KAZN: variants seen among roughly 807,000 people sequenced by gnomAD.
KAZN encodes kazrin, periplakin interacting protein.
In KAZN, 40 loss-of-function variants were observed where a neutral mutation model predicts 87.4. That is an observed-to-expected ratio of 0.46 (90% CI 0.36 to 0.60). The LOEUF is 0.60. Ranked by LOEUF, KAZN falls within the 20% of genes least tolerant of loss-of-function variation. The probability of loss-of-function intolerance (pLI) is 0.00; values close to 1 mark genes in which losing one functional copy is unlikely to be tolerated. For missense variants in KAZN, 898 were observed against 1,073.9 expected (o/e 0.84, Z 2.29); for synonymous variants, 466 against 458.3 (o/e 1.02, Z -0.22).
chr1:14,495,282 C>A (rs1290255235), intron 2 of KAZN, among the ~76,000 whole-genome samples: 1 of 152,130 alleles, frequency 6.6e-6, no homozygotes, highest in African/African-American at 2.4e-5. Flanking sequence ...TAAAAGAAAA[C>A]CATAAAGAAA....
chr1:14,869,805 C>T (rs945432571), intron 1 of KAZN, among the ~76,000 whole-genome samples: 2 of 152,116 alleles, frequency 1.3e-5, no homozygotes, highest in African/African-American at 2.4e-5. Context: ...GCAGTGGCTG[C>T]GAGGAGCAGG....
intron 2 of KAZN, among the ~76,000 whole-genome samples, chr1:14,357,086 C>T (rs1486765219): frequency 1.3e-5 from 2 of 151,858 alleles, no homozygotes; most frequent in African/African-American, 4.8e-5. Flanking sequence ...TTTGTTTGTG[C>T]CCTCTCATTT....
rs1043461768 is a variant in KAZN at position 14,711,031 on chromosome 1, T to C, written c.226+111808T>C. ...AGATACCACTATCTCCACAAAAAAA[T>C]TAAAAAACAAAAATAGCTGGGCATG... is the stretch of plus-strand genomic sequence containing the variant. On this transcript the variant is annotated intron_variant, in intron 1 of 14. Coordinates refer to ENST00000376030, the MANE Select transcript of KAZN (RefSeq NM_201628.3). Among the ~76,000 whole-genome samples the C allele has an allele frequency of 5.3e-5, 8 of 149,596 alleles. 1 individual carries two copies.
At chr1:14,589,641 C>A (rs1212424696) in intron 2 of KAZN, among the ~76,000 whole-genome samples, 1 of 152,196 alleles carries the variant, frequency 6.6e-6, no homozygotes, top group Non-Finnish European at 1.5e-5. Flanking sequence ...CCTACTACCA[C>A]TGCTTCCAAT....
intron 1 of KAZN, among the ~76,000 whole-genome samples, chr1:14,738,118 C>G (rs577602940): frequency 6.6e-6 from 1 of 152,118 alleles, no homozygotes; most frequent in Non-Finnish European, 1.5e-5. Context: ...AGGGGCTACC[C>G]TTTCTCCCTT....
intron 2 of KAZN, among the ~76,000 whole-genome samples, chr1:14,553,006 C>T (rs1207448230): frequency 6.6e-6 from 1 of 152,112 alleles, no homozygotes; most frequent in East Asian, 1.9e-4. Context: ...TAGCCGTGCC[C>T]ATCAGAACCA....
chr1:14,013,630 A>G (rs556290287), intron 1 of KAZN, among the ~76,000 whole-genome samples: 1 of 152,212 alleles, frequency 6.6e-6, no homozygotes, highest in Admixed American at 6.5e-5. Flanking sequence ...AAAATAACCT[A>G]GGAATATGGG....
chr1:14,702,326 CTGTGTGTGTGTG>C (rs3222186), intron 1 of KAZN, among the ~76,000 whole-genome samples: 219 of 133,368 alleles, frequency 1.6e-3, no homozygotes, highest in African/African-American at 5.6e-3. Context: ...TTTTGCAAAA[CTGTGTGTGTGTG>C]TGTGTGTGTG....
chr1:14,756,629 A>G (rs545897072), intron 1 of KAZN, among the ~76,000 whole-genome samples: 2 of 152,314 alleles, frequency 1.3e-5, no homozygotes, highest in South Asian at 4.1e-4. Flanking sequence ...TGGATGTAGC[A>G]CTGTTTATAA....
chr1:14,646,954 C>T (rs1680853770), intron 1 of KAZN, among the ~76,000 whole-genome samples: 1 of 152,180 alleles, frequency 6.6e-6, no homozygotes, highest in East Asian at 1.9e-4. Flanking sequence ...GCTTCTGCTC[C>T]AGCACGTGGA....
chr1:14,698,544 G>A (rs760784461), intron 1 of KAZN, among the ~76,000 whole-genome samples: 6 of 152,132 alleles, frequency 3.9e-5, no homozygotes, highest in Non-Finnish European at 7.3e-5. Flanking sequence ...CATCTCCCAG[G>A]GCCCAGCTCA....
intron 1 of KAZN, among the ~76,000 whole-genome samples, chr1:14,016,166 C>T (rs1640561366): frequency 1.3e-5 from 2 of 152,072 alleles, no homozygotes; most frequent in Admixed American, 6.5e-5. Context: ...TTTTCTCTCC[C>T]AATGCACGAA....
intron 1 of KAZN, among the ~76,000 whole-genome samples, chr1:14,728,219 G>T (rs1370984573): frequency 6.7e-6 from 1 of 150,230 alleles, no homozygotes; most frequent in Non-Finnish European, 1.5e-5. Context: ...TTGGGAGGCG[G>T]AGGTTGCAGT....
At chr1:14,147,442 A>G (rs975194417) in intron 1 of KAZN, among the ~76,000 whole-genome samples, 1 of 152,148 alleles carries the variant, frequency 6.6e-6, no homozygotes, top group Non-Finnish European at 1.5e-5. Context: ...CATTAATACA[A>G]TTAATGAAAC....
intron 1 of KAZN, among the ~76,000 whole-genome samples, chr1:14,617,719 T>C (rs148361569): frequency 6.6e-6 from 1 of 152,322 alleles, no homozygotes; most frequent in African/African-American, 2.4e-5. Flanking sequence ...ATGGAAGACC[T>C]GTAGTGCTGA....
At chr1:15,104,874 G>T (rs1267134302) in intron 13 of KAZN, among the ~76,000 whole-genome samples, 1 of 152,122 alleles carries the variant, frequency 6.6e-6, no homozygotes, top group African/African-American at 2.4e-5. Context: ...TTCTTCAAAG[G>T]TACCAAGCTA....
intron 1 of KAZN, among the ~76,000 whole-genome samples, chr1:14,149,781 T>C (rs1645434708): frequency 6.6e-6 from 1 of 152,214 alleles, no homozygotes; most frequent in African/African-American, 2.4e-5. Context: ...CCATGATTTT[T>C]TTAAAAGCCT....
At chr1:14,745,494 A>G (rs1281488520) in intron 1 of KAZN, among the ~76,000 whole-genome samples, 2 of 152,170 alleles carry the variant, frequency 1.3e-5, no homozygotes, top group East Asian at 3.8e-4. Context: ...CACTCTAATT[A>G]ACAGTTACTA....
At chr1:14,976,722 C>T (rs1665666651) in intron 2 of KAZN, among the ~76,000 whole-genome samples, 2 of 152,300 alleles carry the variant, frequency 1.3e-5, no homozygotes, top group East Asian at 1.9e-4. Context: ...CCTGGGTGCC[C>T]AGCACTGGGC....
Sources: allele counts gnomAD v4.1 joint callset (sites outside exome capture counted in the v4.1 genomes callset), GRCh38; gene constraint gnomAD v4.1.1; transcripts MANE v1.5; gene names NCBI Gene and HGNC (gene_info 2026-07-23, HGNC 2026-07-21).